Variants in PDZD2 observed in about 807,000 individuals in gnomAD.
PDZD2 encodes PDZ domain containing 2.
In PDZD2, 90 loss-of-function variants were observed where a neutral mutation model predicts 220.7. That is an observed-to-expected ratio of 0.41 (90% CI 0.34 to 0.49). PDZD2 has a LOEUF of 0.49. Ranked by LOEUF, PDZD2 falls within the 20% of genes least tolerant of loss-of-function variation. PDZD2 has a pLI of 0.28. For missense variants in PDZD2, 3,174 were observed against 3,608.5 expected, an observed-to-expected ratio of 0.88 and a Z score of 3.08; for synonymous variants, 1,375 against 1,450.5, an observed-to-expected ratio of 0.95 and a Z score of 1.18.
At chr5:32,002,657 T>TAC (rs70957990) in intron 5 of PDZD2, among the ~76,000 whole-genome samples, 1 of 76,674 alleles carries the variant, frequency 1.3e-5, no homozygotes, top group South Asian at 4.7e-4. Flanking sequence ...CCCCACATAC[T>TAC]ACACACACAC....
chr5:31,938,143 C>T (rs556965808), intron 2 of PDZD2, among the ~76,000 whole-genome samples: 104 of 152,242 alleles, frequency 6.8e-4, no homozygotes, highest in Middle Eastern at 3.4e-3. Context: ...AACTTTTGAC[C>T]TCAAGTGATC....
chr5:31,726,523 C>T (rs1025113540), intron 1 of PDZD2, among the ~76,000 whole-genome samples: 1 of 152,088 alleles, frequency 6.6e-6, no homozygotes, highest in Non-Finnish European at 1.5e-5. Flanking sequence ...GAGCGAAACT[C>T]CATCTCCAAA....
At chr5:31,941,572 C>T (rs1007149018) in intron 2 of PDZD2, among the ~76,000 whole-genome samples, 2 of 152,260 alleles carry the variant, frequency 1.3e-5, no homozygotes, top group East Asian at 3.9e-4. Flanking sequence ...TCAGTTTATC[C>T]CTCAAGTGAG....
chr5:31,940,863 G>A (rs1214767812), intron 2 of PDZD2, among the ~76,000 whole-genome samples: 6 of 152,118 alleles, frequency 3.9e-5, no homozygotes, highest in East Asian at 1.9e-4. Flanking sequence ...GCAGATAAAT[G>A]TTCTTGTGTT....
At chr5:31,792,618 G>A (rs955760010) in intron 1 of PDZD2, among the ~76,000 whole-genome samples, 7 of 151,748 alleles carry the variant, frequency 4.6e-5, no homozygotes, top group Admixed American at 1.3e-4. Flanking sequence ...GGGTTTCACC[G>A]TGTTGCCCAG....
chr5:31,699,792 G>GTTTTTTTTTTTTT (rs397780799), intron 1 of PDZD2, among the ~76,000 whole-genome samples: 1 of 134,268 alleles, frequency 7.4e-6, no homozygotes, highest in African/African-American at 2.8e-5. Context: ...TTTTTTTTTT[G>GTTTTTTTTTTTTT]TTTTTTTTTT....
chr5:32,062,024 G>A (rs6866303), intron 14 of PDZD2, among the ~76,000 whole-genome samples: 3 of 152,038 alleles, frequency 2.0e-5, no homozygotes, highest in Admixed American at 6.6e-5. Flanking sequence ...AATCCACTTC[G>A]GGCTGGGATT....
chr5:31,850,007 T>TAC (rs71870286), intron 2 of PDZD2, among the ~76,000 whole-genome samples: 2 of 82,212 alleles, frequency 2.4e-5, no homozygotes, highest in Non-Finnish European at 4.5e-5. Flanking sequence ...TATATATATA[T>TAC]ACACACACAC....
intron 6 of PDZD2, among the ~76,000 whole-genome samples, chr5:32,036,133 G>C (rs1034176830): frequency 2.6e-5 from 4 of 152,092 alleles, no homozygotes; most frequent in Non-Finnish European, 5.9e-5. Flanking sequence ...CTAATTTTTT[G>C]TATTTTTAGT....
At chr5:31,737,595 A>G (rs138592221) in intron 1 of PDZD2, among the ~76,000 whole-genome samples, 305 of 152,344 alleles carry the variant, frequency 2.0e-3, no homozygotes, top group African/African-American at 6.9e-3. Flanking sequence ...AGGTCATTCA[A>G]TAACTTCACT....
chr5:31,766,087 G>A (rs1373268634), intron 1 of PDZD2, among the ~76,000 whole-genome samples: 1 of 152,176 alleles, frequency 6.6e-6, no homozygotes, highest in Admixed American at 6.5e-5. Flanking sequence ...GGCTGGGGTG[G>A]AAGAATTACC....
At chr5:31,915,625 C>T (rs1231434043) in intron 2 of PDZD2, among the ~76,000 whole-genome samples, 5 of 152,124 alleles carry the variant, frequency 3.3e-5, no homozygotes, top group Non-Finnish European at 5.9e-5. Context: ...TTTCAAAGAC[C>T]CAGGGCCCAG....
At position 31,799,577 on chromosome 5, in the gene PDZD2, AG is replaced by A; in HGVS notation, c.332del (p.Gly111ValfsTer11). On this transcript the variant is annotated frameshift_variant, in exon 2 of 25. Coordinates refer to ENST00000438447, the MANE Select transcript of PDZD2 (RefSeq NM_178140.4). LOFTEE classifies it high-confidence loss of function. ...RRGGKKRKTHQGPVLDVGCIW... is the reference protein window; with the variant it reads ...RRGGKKRKTHXGPVLDVGCIW... ...GGGGGCAAGAAGAGGAAAACCCACC[AG>A]GGTCCTGTGCTGGATGTGGGCTGCA... 6.2e-7 allele frequency: 1 copy of A among 1,614,146 alleles called. No homozygotes were observed. Among genetic ancestry groups the A allele is most frequent in the Non-Finnish European group, 8.5e-7 (1 of 1,180,006 alleles).
chr5:32,038,286 T>TTTA, intron 7 of PDZD2, among the ~76,000 whole-genome samples: 1 of 248 alleles, frequency 4.0e-3, no homozygotes, highest in Non-Finnish European at 0.011. Context: ...ATCCCAACAC[T>TTTA]TGGGAGGCTG....
chr5:31,665,935 G>A (rs1455665109), intron 1 of PDZD2, among the ~76,000 whole-genome samples: 1 of 152,212 alleles, frequency 6.6e-6, no homozygotes, highest in African/African-American at 2.4e-5. Flanking sequence ...TGATAGGGAA[G>A]TGAGGACGGG....
At chr5:31,972,321 C>A (rs1310401604) in intron 2 of PDZD2, among the ~76,000 whole-genome samples, 2 of 152,146 alleles carry the variant, frequency 1.3e-5, no homozygotes, top group Admixed American at 1.3e-4. Context: ...ACCATGTTGC[C>A]TAGGCTGATC....
At chr5:32,097,733 C>A (rs957350886) in intron 22 of PDZD2, among the ~76,000 whole-genome samples, 1 of 152,006 alleles carries the variant, frequency 6.6e-6, no homozygotes, top group East Asian at 1.9e-4. Context: ...CAAAATTTTA[C>A]ATCATTCAAA....
intron 24 of PDZD2, among the ~76,000 whole-genome samples, chr5:32,104,386 A>T (rs1744536026): frequency 6.6e-6 from 1 of 151,450 alleles, no homozygotes; most frequent in South Asian, 2.1e-4. Context: ...AACAGGGTCT[A>T]GCTCTGTCAC....
At chr5:32,054,498 A>G (rs1332433570) in intron 10 of PDZD2, among the ~76,000 whole-genome samples, 2 of 150,974 alleles carry the variant, frequency 1.3e-5, no homozygotes, top group African/African-American at 2.4e-5. Context: ...TAATTTTTGT[A>G]TATTTTTGTA....
Sources: gnomAD v4.1 joint callset for allele counts (sites outside exome capture counted in the v4.1 genomes callset) on GRCh38, gnomAD v4.1.1 for gene constraint, MANE v1.5 for transcripts, NCBI Gene and HGNC (gene_info 2026-07-23, HGNC 2026-07-21) for gene names.